Variants in SH3PXD2A observed in about 807,000 individuals in gnomAD.
SH3PXD2A encodes the protein SH3 and PX domain-containing protein 2A.
A neutral mutation model predicts 115.2 loss-of-function variants in SH3PXD2A; 32 were observed. The ratio of observed to expected loss-of-function variants is 0.28; its 90% confidence interval spans 0.21 to 0.37. SH3PXD2A has a LOEUF of 0.37. Among genes scored for constraint, SH3PXD2A ranks in the 10% least tolerant of loss-of-function variants. The pLI, the probability that SH3PXD2A is intolerant of heterozygous loss-of-function variation, is 1.00. For synonymous variants in SH3PXD2A, 610 were observed against 629.1 expected, an observed-to-expected ratio of 0.97 and a Z score of 0.45; for missense variants, 1,328 against 1,498.7, an observed-to-expected ratio of 0.89 and a Z score of 1.88.
intron 8 of SH3PXD2A, among the ~76,000 whole-genome samples, chr10:103,653,087 C>T (rs1040082420): frequency 6.6e-6 from 1 of 152,194 alleles, no homozygotes; most frequent in Non-Finnish European, 1.5e-5. Flanking sequence ...GACGTCTCCA[C>T]AGCGCCTGCT....
At chr10:103,821,228 C>G (rs1215435045) in intron 1 of SH3PXD2A, among the ~76,000 whole-genome samples, 1 of 150,016 alleles carries the variant, frequency 6.7e-6, no homozygotes, top group Non-Finnish European at 1.5e-5. Context: ...CTGCAACCTC[C>G]ACCTCCTGGG....
At chr10:103,782,957 A>C in intron 2 of SH3PXD2A, among the ~76,000 whole-genome samples, 1 of 149,616 alleles carries the variant, frequency 6.7e-6, no homozygotes, top group African/African-American at 2.5e-5. Flanking sequence ...CTCTGATTCT[A>C]TGAGAGGTGC....
chr10:103,676,412 A>G (rs1348463117), intron 6 of SH3PXD2A, among the ~76,000 whole-genome samples: 2 of 152,146 alleles, frequency 1.3e-5, no homozygotes, highest in African/African-American at 4.8e-5. Flanking sequence ...ACAGCCCCTT[A>G]GGGACTAAGT....
chr10:103,625,824 A>T (rs1408276202), intron 9 of SH3PXD2A, among the ~76,000 whole-genome samples: 1 of 152,242 alleles, frequency 6.6e-6, no homozygotes, highest in Non-Finnish European at 1.5e-5. Context: ...CAGGTGGCAG[A>T]GGTTGCAGTG....
intron 1 of SH3PXD2A, among the ~76,000 whole-genome samples, chr10:103,838,307 T>C (rs991964636): frequency 1.4e-4 from 21 of 152,224 alleles, no homozygotes; most frequent in Non-Finnish European, 1.5e-5. Flanking sequence ...GCACTAACTC[T>C]GCACCAGGCA....
At chr10:103,850,831 C>A (rs1842890033) in intron 1 of SH3PXD2A, among the ~76,000 whole-genome samples, 1 of 152,168 alleles carries the variant, frequency 6.6e-6, no homozygotes, top group Non-Finnish European at 1.5e-5. Flanking sequence ...ACCTGCAGTG[C>A]CTTGGTGATC....
chr10:103,668,693 A>ACCTCTCT, intron 6 of SH3PXD2A, 41 bp from the exon 7 acceptor site: 2 of 1,421,676 alleles, frequency 1.4e-6, no homozygotes, highest in Non-Finnish European at 1.8e-6. Flanking sequence ...GGAGAGGAGA[A>ACCTCTCT]CCAGAGAGAG....
intron 8 of SH3PXD2A, among the ~76,000 whole-genome samples, chr10:103,643,991 T>C (rs1318257046): frequency 6.6e-6 from 1 of 151,890 alleles, no homozygotes; most frequent in Non-Finnish European, 1.5e-5. Flanking sequence ...GGCCTCCACC[T>C]GTAGTCCCAG....
chr10:103,620,610 CAGCA>C lies in SH3PXD2A; in HGVS notation c.802+1856_802+1859del, dbSNP rs139683922. ...CCTCCCCGACCAGCTCTGCTGTTTG[CAGCA>C]AGCGTCTCCAAGCCAACTCTCTGCA... On this transcript the variant is annotated intron_variant, in intron 10 of 14. Transcript: ENST00000369774. The surrounding 1 kb of genome is among the most constrained non-coding windows in gnomAD (Gnocchi z 5.3). 8.7e-3 allele frequency among the ~76,000 whole-genome samples: 1,332 copies of C among 152,340 alleles called. 22 individuals are homozygous for C. Among genetic ancestry groups the C allele is most frequent in the African/African-American group, 0.031 (1,276 of 41,566 alleles).
intron 1 of SH3PXD2A, among the ~76,000 whole-genome samples, chr10:103,852,280 C>T (rs774944087): frequency 2.5e-4 from 38 of 152,206 alleles, no homozygotes; most frequent in Non-Finnish European, 4.6e-4. Context: ...ATGAACTGAC[C>T]GAAAGCACAG....
chr10:103,636,235 C>T (rs191433017), intron 8 of SH3PXD2A, among the ~76,000 whole-genome samples: 1 of 152,098 alleles, frequency 6.6e-6, no homozygotes, highest in African/African-American at 2.4e-5. Flanking sequence ...AGTGAAACCC[C>T]GTCTCTACTG....
intron 4 of SH3PXD2A, among the ~76,000 whole-genome samples, chr10:103,724,945 T>C (rs2038222876): frequency 6.6e-6 from 1 of 152,218 alleles, no homozygotes; most frequent in Non-Finnish European, 1.5e-5. Context: ...CCCAGCCTTG[T>C]CTTCCACTAG....
chr10:103,855,169 G>C (rs1323070060), intron 1 of SH3PXD2A, 26 bp downstream of exon 1: 1 of 1,509,340 alleles, frequency 6.6e-7, no homozygotes, highest in Non-Finnish European at 8.9e-7. Flanking sequence ...GCCACCCCCA[G>C]CAGGGTCGGC....
At chr10:103,697,007 C>T (rs1207067143) in intron 5 of SH3PXD2A, among the ~76,000 whole-genome samples, 1 of 152,158 alleles carries the variant, frequency 6.6e-6, no homozygotes, top group Non-Finnish European at 1.5e-5. Context: ...GGGGCCTCTA[C>T]TCCCACCCCG....
In SH3PXD2A at chr10:103,599,095, A is replaced by T. The variant is rs1013299240; in HGVS notation, c.*2721T>A. 14 of 152,488 alleles carry T rather than the reference A, an allele frequency of 9.2e-5. No individual in the cohort carries two copies. Among genetic ancestry groups the T allele is most frequent in the African/African-American group, 3.4e-4 (14 of 41,396 alleles). 9.4% of individuals were successfully genotyped at this position (152,488 alleles called of 1,614,324 possible). The stretch of plus-strand genomic sequence containing the variant: ...TGGCAGTGAGGAGGAGCACGGGATT[A>T]ATGTAGTGGGGAGATCTGTCATTAA... On this transcript the variant is annotated 3_prime_UTR_variant, in exon 15 of 15. Transcript: ENST00000369774.
At chr10:103,706,578 G>A (rs1315457387) in intron 5 of SH3PXD2A, among the ~76,000 whole-genome samples, 3 of 152,224 alleles carry the variant, frequency 2.0e-5, no homozygotes, top group African/African-American at 7.2e-5. Flanking sequence ...CTCCCTGAGA[G>A]CAGGAACTGT....
At chr10:103,719,252 C>T (rs941608262) in intron 5 of SH3PXD2A, among the ~76,000 whole-genome samples, 2 of 152,094 alleles carry the variant, frequency 1.3e-5, no homozygotes, top group Admixed American at 6.5e-5. Flanking sequence ...AGGTGGGGAG[C>T]GGGTGCTGAC....
At chr10:103,606,729 G>A (rs1042181138) in intron 13 of SH3PXD2A, among the ~76,000 whole-genome samples, 108 of 152,246 alleles carry the variant, frequency 7.1e-4, no homozygotes, top group African/African-American at 2.3e-3. Flanking sequence ...GCTCCTAACC[G>A]CGAGTGATCC....
intron 8 of SH3PXD2A, among the ~76,000 whole-genome samples, chr10:103,658,252 C>G (rs1277790751): frequency 6.6e-6 from 1 of 152,182 alleles, no homozygotes; most frequent in Non-Finnish European, 1.5e-5. Flanking sequence ...GCACTCCCAG[C>G]CAAGTGAGAG....
Sources: gnomAD v4.1 joint callset for allele counts (sites outside exome capture counted in the v4.1 genomes callset) on GRCh38, gnomAD v4.1.1 for gene constraint, Gnocchi (gnomAD v3.1) non-coding constraint, MANE v1.5 for transcripts, NCBI Gene and HGNC (gene_info 2026-07-23, HGNC 2026-07-21) for gene names.